GLCCI1: variants seen among roughly 807,000 people sequenced by gnomAD.
GLCCI1 encodes glucocorticoid-induced transcript 1 protein.
A neutral mutation model predicts 52.2 loss-of-function variants in GLCCI1; 24 were observed. That is an observed-to-expected ratio of 0.46 (90% confidence interval 0.33 to 0.65). GLCCI1 has a LOEUF of 0.65. Ranked by LOEUF, GLCCI1 falls within the 30% of genes least tolerant of loss-of-function variation. The probability of loss-of-function intolerance (pLI) is 0.02; values close to 1 mark genes in which losing one functional copy is unlikely to be tolerated. For missense variants in GLCCI1, 704 were observed against 701.5 expected (o/e 1.00, Z -0.04); for synonymous variants, 310 against 276.5 (o/e 1.12, Z -1.20).
At chr7:8,003,845 G>T (rs1006888027) in intron 1 of GLCCI1, 63 bp from the exon 2 acceptor site, 2 of 1,438,704 alleles carry the variant, frequency 1.4e-6, no homozygotes, top group South Asian at 1.3e-5. Flanking sequence ...AAACTATGAA[G>T]TTAGATAACT....
chr7:7,985,152 T>C (rs1780696316), intron 1 of GLCCI1, among the ~76,000 whole-genome samples: 1 of 152,194 alleles, frequency 6.6e-6, no homozygotes, highest in Non-Finnish European at 1.5e-5. Flanking sequence ...TTTGTGTATA[T>C]TTGTATATTT....
At chr7:8,061,595 A>G (rs1198012963) in intron 5 of GLCCI1, among the ~76,000 whole-genome samples, 3 of 146,156 alleles carry the variant, frequency 2.1e-5, no homozygotes, top group South Asian at 4.3e-4. Flanking sequence ...TTATAATTTT[A>G]TATATATTAC....
At chr7:8,047,509 G>A (rs1179081742) in intron 3 of GLCCI1, among the ~76,000 whole-genome samples, 2 of 152,172 alleles carry the variant, frequency 1.3e-5, no homozygotes, top group Admixed American at 1.3e-4. Flanking sequence ...TAAAAACAAA[G>A]ACAAGTACAT....
chr7:8,067,352 A>C (rs1399142553), intron 5 of GLCCI1, among the ~76,000 whole-genome samples: 1 of 152,062 alleles, frequency 6.6e-6, no homozygotes, highest in African/African-American at 2.4e-5. Context: ...TGCACCTTTT[A>C]ATTAGGACAT....
At chr7:7,980,557 C>T (rs1780592191) in intron 1 of GLCCI1, 2 of 546,466 alleles carry the variant, frequency 3.7e-6, no homozygotes, top group South Asian at 2.6e-5. Flanking sequence ...AACTGTTGAT[C>T]CTACAGGGAC....
intron 6 of GLCCI1, among the ~76,000 whole-genome samples, chr7:8,077,662 C>T (rs1208342950): frequency 1.3e-5 from 2 of 151,952 alleles, no homozygotes; most frequent in Non-Finnish European, 2.9e-5. Flanking sequence ...AATATTACCA[C>T]AGTCCTTTAG....
chr7:8,003,326 C>T (rs1781082358), intron 1 of GLCCI1, among the ~76,000 whole-genome samples: 1 of 152,052 alleles, frequency 6.6e-6, no homozygotes, highest in Non-Finnish European at 1.5e-5. Flanking sequence ...GTTCTAGGCT[C>T]AGGAAGTAGA....
chr7:8,008,130 A>G (rs985183597), intron 2 of GLCCI1, among the ~76,000 whole-genome samples: 4 of 152,120 alleles, frequency 2.6e-5, no homozygotes, highest in African/African-American at 7.2e-5. Context: ...CAAGTATACC[A>G]TATATTTTAC....
At chr7:7,976,340 A>G (rs1029114811) in intron 1 of GLCCI1, among the ~76,000 whole-genome samples, 11 of 151,728 alleles carry the variant, frequency 7.2e-5, no homozygotes, top group Non-Finnish European at 1.2e-4. Flanking sequence ...TTAGCCGGGC[A>G]TGGTGGTACA....
intron 3 of GLCCI1, among the ~76,000 whole-genome samples, chr7:8,052,987 T>A (rs1347024637): frequency 6.7e-6 from 1 of 149,952 alleles, no homozygotes; most frequent in South Asian, 2.1e-4. Context: ...CTTTTGAGGA[T>A]AAGGGTTTTG....
intron 5 of GLCCI1, 53 bp downstream of exon 5, chr7:8,060,301 T>C (rs1450370427): frequency 1.4e-6 from 2 of 1,404,048 alleles, no homozygotes; most frequent in East Asian, 4.6e-5. Flanking sequence ...TAACGAACTG[T>C]CTGAAAAGTA....
rs543875458 is a variant in GLCCI1 at position 7,969,838 on chromosome 7, G to T, written c.457+31G>T. On this transcript the variant is annotated intron_variant, in intron 1 of 7. Coordinates refer to ENST00000223145, the MANE Select transcript of GLCCI1 (RefSeq NM_138426.4). The surrounding 1 kb of genome is among the most constrained non-coding windows in gnomAD (Gnocchi z 4.9). ...GAGCCCAACCCTCCCGTCCTCCCGG[G>T]CTGCGTCTCCCCGACGGTGCCCTCC... The T allele has an allele frequency of 3.6e-6, 5 of 1,392,912 alleles. No homozygotes were observed. In the South Asian group the frequency reaches 6.8e-5, roughly 19 times the overall value. The allele number at this position is 1,392,912 out of a possible 1,614,324, so 86.3% of individuals were successfully genotyped here.
chr7:7,984,191 T>C (rs1180422182), intron 1 of GLCCI1, among the ~76,000 whole-genome samples: 1 of 152,094 alleles, frequency 6.6e-6, no homozygotes, highest in Non-Finnish European at 1.5e-5. Flanking sequence ...CTCTGGAGTA[T>C]CCAGGACCAC....
At chr7:8,012,835 T>C (rs926373275) in intron 2 of GLCCI1, among the ~76,000 whole-genome samples, 34 of 152,218 alleles carry the variant, frequency 2.2e-4, no homozygotes, top group African/African-American at 8.2e-4. Context: ...ACTGTACTTT[T>C]GTTGGCATAT....
At position 8,055,648 on chromosome 7, in the gene GLCCI1, C is replaced by G. The variant is rs1347319931; in HGVS notation, c.813+99C>G. On this transcript the variant is annotated intron_variant, in intron 4 of 7. Coordinates refer to ENST00000223145, the MANE Select transcript of GLCCI1 (RefSeq NM_138426.4). ...TTTAAAAAAACCCATAAATATTTAG[C>G]TCTACTAAATTACTAGTTTGTTAAA... 3.9e-6 allele frequency: 3 copies of G among 776,466 alleles called. No individual in the cohort carries two copies. The South Asian group carries it at 4.8e-5, about 12-fold the overall frequency. The allele number at this position is 776,466 out of a possible 1,614,324, so 48.1% of individuals were successfully genotyped here.
chr7:8,086,255 T>G lies in GLCCI1; in HGVS notation c.1361T>G (p.Ile454Ser). 3.7e-6 allele frequency: 6 copies of G among 1,614,180 alleles called. No homozygotes were observed. Among genetic ancestry groups the G allele is most frequent in the Non-Finnish European group, 5.1e-6 (6 of 1,180,028 alleles). The change falls in exon 8 of 8, where the codon ATC becomes AGC. Residue 454 changes from isoleucine (I) to serine (S), a missense_variant. This residue lies in a region of GLCCI1 where 149 missense variants were observed against 152.9 expected (regional missense o/e 0.97). Coordinates refer to ENST00000223145, the MANE Select transcript of GLCCI1 (RefSeq NM_138426.4). This position sits in a 1 kb window ranked among gnomAD's most constrained non-coding sequence, Gnocchi z 4.4. ...CCTGACAAAAACAAGGTTAATTTCA[T>G]CCCAACCGGATCAGCTTTCTGTCCT... is the stretch of plus-strand genomic sequence containing the variant. Reference protein sequence around the residue: ...SCPDKNKVNFIPTGSAFCPVK... With the variant: ...SCPDKNKVNFSPTGSAFCPVK...
At chr7:7,987,613 A>T (rs1389070891) in intron 1 of GLCCI1, among the ~76,000 whole-genome samples, 2 of 152,170 alleles carry the variant, frequency 1.3e-5, no homozygotes, top group Non-Finnish European at 2.9e-5. Context: ...TGATTGACAG[A>T]GTCTCGCTCT....
rs902617604 is a variant in GLCCI1 at position 8,025,151 on chromosome 7, G to A, written c.696+2582G>A. 3.3e-5 allele frequency among the ~76,000 whole-genome samples: 5 copies of A among 152,272 alleles called. No individual in the cohort carries two copies. In the East Asian group the frequency reaches 9.6e-4, roughly 29 times the overall value. On this transcript the variant is annotated intron_variant, in intron 3 of 7. Transcript: ENST00000223145. ...ACATATCCCAGGTTGAGTGGAGGCT[G>A]TGGACATGCACATCAGAGAACAGAG...
chr7:7,985,056 C>A (rs1439499037), intron 1 of GLCCI1, among the ~76,000 whole-genome samples: 2 of 152,212 alleles, frequency 1.3e-5, no homozygotes, highest in Non-Finnish European at 2.9e-5. Flanking sequence ...TTTCACAAAA[C>A]ATTCTACTCT....
Sources: allele counts gnomAD v4.1 joint callset (sites outside exome capture counted in the v4.1 genomes callset), GRCh38; gene constraint gnomAD v4.1.1; regional missense constraint gnomAD v4.1.1; non-coding constraint Gnocchi (gnomAD v3.1); transcripts MANE v1.5; gene names NCBI Gene and HGNC (gene_info 2026-07-23, HGNC 2026-07-21).